TBC1D7: variants seen among roughly 807,000 people sequenced by gnomAD.
TBC1D7 encodes TBC domain family 7.
Under a neutral mutation model 35.3 loss-of-function variants are expected in TBC1D7, and 33 were observed. The ratio of observed to expected loss-of-function variants is 0.93; its 90% CI spans 0.71 to 1.25. TBC1D7 has a LOEUF of 1.25. Among genes scored for constraint, TBC1D7 ranks in the 50% most tolerant of loss-of-function variants. The pLI, the probability that TBC1D7 is intolerant of heterozygous loss-of-function variation, is 0.00. For missense variants in TBC1D7, 362 were observed against 365.3 expected (o/e 0.99, Z 0.07); for synonymous variants, 135 against 129.5 (o/e 1.04, Z -0.29).
rs1562175083 is a variant in TBC1D7 at position 13,325,186 on chromosome 6, A to C, written c.113-12T>G. ...AAGTTTCTCAGTATCTAGAGGAAGA[A>C]GAAAACAATTGTTAGAAGCTTTTCA... On this transcript the variant is annotated splice_polypyrimidine_tract_variant and intron_variant, in intron 2 of 7. Coordinates refer to ENST00000379300, the MANE Select transcript of TBC1D7 (RefSeq NM_016495.6). 6.3e-7 allele frequency: 1 copy of C among 1,596,852 alleles called. No homozygotes were observed. Among genetic ancestry groups the C allele is most frequent in the East Asian group, 2.2e-5 (1 of 44,796 alleles).
At chr6:13,320,482 T>A (rs1236148772) in intron 4 of TBC1D7, 1 of 456,736 alleles carries the variant, frequency 2.2e-6, no homozygotes, top group African/African-American at 2.0e-5. Context: ...TTTAAAAAAA[T>A]ACGTTTTAAA....
At chr6:13,321,980 T>TA (rs1438829979) in intron 3 of TBC1D7, among the ~76,000 whole-genome samples, 12 of 152,204 alleles carry the variant, frequency 7.9e-5, no homozygotes, top group Admixed American at 7.9e-4. Context: ...CTAACGCCTA[T>TA]AATCCCAGCA....
intron 5 of TBC1D7, among the ~76,000 whole-genome samples, chr6:13,314,817 A>C (rs2439547): frequency 0.026 from 3,884 of 152,292 alleles, 130 homozygotes; most frequent in African/African-American, 0.088. Flanking sequence ...CTTTCAGTAG[A>C]ATTTTAAAAG....
chr6:13,314,536 G>C (rs1398933023), intron 5 of TBC1D7, among the ~76,000 whole-genome samples: 1 of 152,180 alleles, frequency 6.6e-6, no homozygotes, highest in Non-Finnish European at 1.5e-5. Flanking sequence ...GAGACCTCCT[G>C]ATTTGATTAG....
rs906257246 is a variant in TBC1D7 at position 13,328,520 on chromosome 6, TGCC to T, written c.-236_-234del. On this transcript the variant is annotated 5_prime_UTR_variant, in exon 1 of 8. Coordinates refer to ENST00000379300, the MANE Select transcript of TBC1D7 (RefSeq NM_016495.6). ...AACTCAGCGCCGCTGCCGCTGCCGCTGCCGCCGCCGCCGGACGTGACATCAACT... is the reference window on the plus strand; with the variant it reads ...AACTCAGCGCCGCTGCCGCTGCCGCTGCCGCCGCCGGACGTGACATCAACT... 5 of 157,906 alleles carry T rather than the reference TGCC, an allele frequency of 3.2e-5. No homozygotes were observed. The highest frequency in any genetic ancestry group is 2.9e-4 in the South Asian group (2 of 6,992). The allele number at this position is 157,906 out of a possible 1,614,324, so 9.8% of individuals were successfully genotyped here.
chr6:13,324,059 T>C (rs775531493), intron 3 of TBC1D7, among the ~76,000 whole-genome samples: 9 of 152,228 alleles, frequency 5.9e-5, no homozygotes, highest in Admixed American at 1.3e-4. Context: ...TCATAGTTTA[T>C]ATTCTTCAGG....
At chr6:13,320,386 T>C (rs978090152) in intron 4 of TBC1D7, 63 of 260,464 alleles carry the variant, frequency 2.4e-4, no homozygotes, top group Admixed American at 3.5e-4. Context: ...GTCCTGTCTT[T>C]AGGAAGTGTA....
rs771363927 is a variant in TBC1D7, at chr6:13,306,412, T to C, written c.781A>G (p.Lys261Glu). Residue 261 changes from lysine to glutamate, a missense_variant, in exon 7 of 8, where the codon AAG becomes GAG. Transcript: ENST00000379300. ...MALNSAEKIT[K>E]FLENIPQDSS... ...AGCACACTTACATTTTCCAGAAACTTTGTTATCTTCTCTGCACTGTTCAGT... is the reference window on the plus strand; with the variant it reads ...AGCACACTTACATTTTCCAGAAACTCTGTTATCTTCTCTGCACTGTTCAGT... 1 of 1,584,186 alleles carries C rather than the reference T, an allele frequency of 6.3e-7. No homozygotes were observed.
Position 13,306,454 on chromosome 6 carries a change from T to G in TBC1D7, c.739A>C (p.Lys247Gln). The G allele has an allele frequency of 6.2e-7, 1 of 1,610,020 alleles. No individual in the cohort carries two copies. Among genetic ancestry groups the G allele is most frequent in the Non-Finnish European group, 8.5e-7 (1 of 1,178,362 alleles). The change falls in exon 7 of 8, where the codon AAA (lysine) becomes CAA (glutamine). Residue 247 changes from lysine to glutamine, a missense_variant. Physicochemically the swap from Lys to Gln is moderately conservative, Grantham distance 53. Coordinates refer to ENST00000379300, the MANE Select transcript of TBC1D7 (RefSeq NM_016495.6). Reference sequence around the variant, plus strand: ...CTGTTCAGTGCCATAACTTTTATTTTAAAGGTTAATAAAATTTCGACAGCT... The same window carrying G: ...CTGTTCAGTGCCATAACTTTTATTTGAAAGGTTAATAAAATTTCGACAGCT... ...FVAVEILLTFKIKVMALNSAE... is the reference protein window; with the variant it reads ...FVAVEILLTFQIKVMALNSAE...
chr6:13,318,230 A>G (rs1344379538), intron 4 of TBC1D7: 3 of 152,232 alleles, frequency 2.0e-5, no homozygotes, highest in Non-Finnish European at 2.9e-5. Context: ...TTTAAAATAA[A>G]TTATCCGATT....
At chr6:13,311,407 A>G (rs1314130133) in intron 5 of TBC1D7, among the ~76,000 whole-genome samples, 1 of 152,202 alleles carries the variant, frequency 6.6e-6, no homozygotes, top group Non-Finnish European at 1.5e-5. Flanking sequence ...ACATATCACC[A>G]CTCAGGGGCA....
Position 13,316,622 on chromosome 6 carries a change from T to G in TBC1D7, c.468A>C (p.Arg156=). 1 of 1,613,432 alleles carries G rather than the reference T, an allele frequency of 6.2e-7. No homozygotes were observed. The highest frequency in any genetic ancestry group is 8.5e-7 in the Non-Finnish European group (1 of 1,179,936). Residue 156 remains arginine, a synonymous_variant, in exon 5 of 8, where the codon CGA becomes CGC. Coordinates refer to ENST00000379300, the MANE Select transcript of TBC1D7 (RefSeq NM_016495.6). The part of the protein sequence containing the change: ...EDSVDCYWIT[R]RFVNQLNTKY... Reference sequence around the variant, plus strand: ...TGGTATTTAATTGGTTCACAAAGCGTCGGGTGATCCAGTAACAGTCGACAC... The same window carrying G: ...TGGTATTTAATTGGTTCACAAAGCGGCGGGTGATCCAGTAACAGTCGACAC...
chr6:13,306,723 A>G, intron 6 of TBC1D7, 196 bp from the exon 7 acceptor site: 1 of 361,008 alleles, frequency 2.8e-6, no homozygotes, highest in Non-Finnish European at 4.9e-6. Context: ...TACAATCAGC[A>G]CTAGAAGGAG....
At chr6:13,305,255 C>T (rs2127519076) in intron 7 of TBC1D7, 68 bp from the exon 8 acceptor site, 7 of 1,458,024 alleles carry the variant, frequency 4.8e-6, no homozygotes, top group Non-Finnish European at 6.7e-6. Context: ...CCCTCATTCG[C>T]TGTGGCATGA....
rs758595727 is a variant in TBC1D7 at position 13,316,627 on chromosome 6, T to C, written c.463A>G (p.Thr155Ala). ...VEDSVDCYWITRRFVNQLNTK... is the reference protein window; with the variant it reads ...VEDSVDCYWIARRFVNQLNTK... ...TTTAATTGGTTCACAAAGCGTCGGGTGATCCAGTAACAGTCGACACTATCT... is the reference window on the plus strand; with the variant it reads ...TTTAATTGGTTCACAAAGCGTCGGGCGATCCAGTAACAGTCGACACTATCT... The change falls in exon 5 of 8, where the codon ACC becomes GCC. Residue 155 changes from threonine to alanine, a missense_variant. Physicochemically the swap from Thr to Ala is moderately conservative, Grantham distance 58. Transcript: ENST00000379300. 4 of 1,613,530 alleles carry C rather than the reference T, an allele frequency of 2.5e-6. No individual in the cohort carries two copies. The South Asian group carries it at 3.3e-5, about 13-fold the overall frequency.
rs546122443 is a variant in TBC1D7 at position 13,310,637 on chromosome 6, C to CAAAAAAAAAAAAAAA, written c.520-2907_520-2893dup. On this transcript the variant is annotated intron_variant, in intron 5 of 7. Coordinates refer to ENST00000379300, the MANE Select transcript of TBC1D7 (RefSeq NM_016495.6). ...TGGGTGACAGAGCGAGACTCCGTCTCAAAAAAAAAAAAAAAAGAATATTGT... is the reference window on the plus strand; with the variant it reads ...TGGGTGACAGAGCGAGACTCCGTCTCAAAAAAAAAAAAAAAAAAAAAAAAAAAAAAAGAATATTGT... 2.1e-3 allele frequency among the ~76,000 whole-genome samples: 154 copies of CAAAAAAAAAAAAAAA among 72,890 alleles called. 2 individuals are homozygous for CAAAAAAAAAAAAAAA. The highest frequency in any genetic ancestry group is 3.2e-3 in the Non-Finnish European group (118 of 36,916). 47.8% of individuals were successfully genotyped at this position (72,890 alleles called of 152,430 possible).
At chr6:13,322,851 CACATTAACCCTTA>C in intron 3 of TBC1D7, among the ~76,000 whole-genome samples, 1 of 152,304 alleles carries the variant, frequency 6.6e-6, no homozygotes, top group South Asian at 2.1e-4. Context: ...CTAGAGGCAG[CACATTAACCCTTA>C]AACCTGTTTT....
At chr6:13,320,582 A>C in intron 4 of TBC1D7, 1 of 571,892 alleles carries the variant, frequency 1.7e-6, no homozygotes, top group Non-Finnish European at 3.1e-6. Context: ...CTTTTTAAAT[A>C]ATGTTGGATG....
At chr6:13,305,894 C>T (rs1782775258) in intron 7 of TBC1D7, 1 of 162,140 alleles carries the variant, frequency 6.2e-6, no homozygotes, top group African/African-American at 2.4e-5. Flanking sequence ...TACAGAACCC[C>T]TTTTGAACTG....
Sources: allele counts gnomAD v4.1 joint callset (sites outside exome capture counted in the v4.1 genomes callset), GRCh38; gene constraint gnomAD v4.1.1; transcripts MANE v1.5; gene names NCBI Gene and HGNC (gene_info 2026-07-23, HGNC 2026-07-21).